The following NARF variants were observed in gnomAD, a reference collection of about 807,000 sequenced individuals.
The protein encoded by NARF is nuclear prelamin A recognition factor.
A neutral mutation model predicts 48.0 loss-of-function variants in NARF; 41 were observed. The observed-to-expected ratio is 0.85, with a 90% CI of 0.66 to 1.11. NARF has a LOEUF of 1.11. Ranked by LOEUF, NARF falls within the 50% of genes least tolerant of loss-of-function variation. NARF has a pLI of 0.00. For synonymous variants in NARF, 215 were observed against 225.5 expected (o/e 0.95, Z 0.42); for missense variants, 613 against 590.2 (o/e 1.04, Z -0.40).
chr17:82,475,042 A>G (rs2043803112), intron 5 of NARF, among the ~76,000 whole-genome samples: 1 of 152,130 alleles, frequency 6.6e-6, no homozygotes, highest in Non-Finnish European at 1.5e-5. Context: ...GTGTAAAGGG[A>G]TAATTTCCAC....
intron 2 of NARF, among the ~76,000 whole-genome samples, chr17:82,461,885 G>A (rs1804004680): frequency 6.6e-6 from 1 of 152,200 alleles, no homozygotes; most frequent in African/African-American, 2.4e-5. Flanking sequence ...GGACTGTGGG[G>A]CTTAGGGAGC....
chr17:82,469,154 C>G (rs1567933377), intron 4 of NARF, among the ~76,000 whole-genome samples: 1 of 152,198 alleles, frequency 6.6e-6, no homozygotes, highest in South Asian at 2.1e-4. Flanking sequence ...TGGGACCAAA[C>G]AGTGACCACC....
At chr17:82,459,222 G>C (rs750438073) in intron 1 of NARF, 92 of 1,017,766 alleles carry the variant, frequency 9.0e-5, no homozygotes, top group Non-Finnish European at 1.1e-4. Context: ...AGCCGGTGCA[G>C]GGGCGGAAGC....
chr17:82,482,462 A>G (rs2043993763), intron 7 of NARF: 1 of 73,460 alleles, frequency 1.4e-5, no homozygotes, highest in Non-Finnish European at 2.4e-5. Flanking sequence ...ATGTCCAGCC[A>G]TCTTTTTTCT....
At chr17:82,482,510 C>G (rs1357772306) in intron 7 of NARF, 1 of 135,208 alleles carries the variant, frequency 7.4e-6, no homozygotes, top group Non-Finnish European at 1.5e-5. Flanking sequence ...ATTTTCTTAC[C>G]TGTGTTTCCA....
In NARF at chr17:82,478,923, G is replaced by A. The variant is rs1408721749; in HGVS notation, c.639+5G>A. ...GATTATTTCGCCAGACAGCAGGTAAGCTGACCTCTCTGGAGGGCAGGAAGG... is the reference window on the plus strand; with the variant it reads ...GATTATTTCGCCAGACAGCAGGTAAACTGACCTCTCTGGAGGGCAGGAAGG... On this transcript the variant is annotated splice_donor_5th_base_variant and intron_variant, in intron 6 of 10. Transcript: ENST00000309794. The A allele has an allele frequency of 6.2e-7, 1 of 1,612,532 alleles. No homozygotes were observed.
rs1243470352 is a variant in NARF at position 82,470,564 on chromosome 17, G to T, written c.385+1668G>T. 3.3e-5 allele frequency among the ~76,000 whole-genome samples: 5 copies of T among 152,036 alleles called. 1 individual carries two copies. Among genetic ancestry groups the T allele is most frequent in the Admixed American group, 3.3e-4 (5 of 15,272 alleles). On this transcript the variant is annotated intron_variant, in intron 4 of 10. Transcript: ENST00000309794. ...GGCTGGGGTGCAGTGGCGCCATCTC[G>T]GCTCACTGCAAGCTCCACCTCCCGG...
chr17:82,488,025 GTCCAGTGC>G lies in NARF; in HGVS notation c.1240_1247del (p.Ser414ThrfsTer161). 1 of 1,614,230 alleles carries G rather than the reference GTCCAGTGC, an allele frequency of 6.2e-7. No homozygotes were observed. The highest frequency in any genetic ancestry group is 8.5e-7 in the Non-Finnish European group (1 of 1,180,048). ...CTGACATCCCTGTGCGGCGTCCGGAGTCCAGTGCACACGTGCAGGAGCTGTACCAGGAG... is the reference window on the plus strand; with the variant it reads ...CTGACATCCCTGTGCGGCGTCCGGAGACACGTGCAGGAGCTGTACCAGGAG... On this transcript the variant is annotated frameshift_variant, in exon 11 of 11. Transcript: ENST00000309794. LOFTEE classifies it low-confidence loss of function (END_TRUNC).
chr17:82,465,891 C>T (rs939868028), intron 3 of NARF, among the ~76,000 whole-genome samples: 10 of 152,320 alleles, frequency 6.6e-5, no homozygotes, highest in Non-Finnish European at 1.3e-4. Flanking sequence ...GATAGAGACA[C>T]ATGTCCTCTG....
Position 82,488,278 on chromosome 17 carries a change from TGGTTTCTCC to T in NARF, c.*123_*131del. 7.0e-7 allele frequency: 1 copy of T among 1,431,528 alleles called. No individual in the cohort carries two copies. Among genetic ancestry groups the T allele is most frequent in the Non-Finnish European group, 9.2e-7 (1 of 1,084,588 alleles). The allele number at this position is 1,431,528 out of a possible 1,614,324, so 88.7% of individuals were successfully genotyped here. A position where few individuals can be genotyped will look rare whatever the true frequency, so the allele number is the denominator to read the frequency against. The stretch of plus-strand genomic sequence containing the variant: ...AAGAAAACCGCTCAATGGATTACTT[TGGTTTCTCC>T]GAGTTCCCTGCTACCCCGTTTATTG... On this transcript the variant is annotated 3_prime_UTR_variant, in exon 11 of 11. Transcript: ENST00000309794.
rs555959562 is a variant in NARF at position 82,485,297 on chromosome 17, T to G, written c.972-200T>G. On this transcript the variant is annotated intron_variant, in intron 9 of 10. Transcript: ENST00000309794. ...TTTGCCGAGTGTGGTGGTGAGCGCC[T>G]ATAGTCCCAGCTACTCGGGAAGCTG... Among the ~76,000 whole-genome samples the G allele has an allele frequency of 9.1e-3, 1,380 of 152,024 alleles. 7 individuals carry two copies. The highest frequency in any genetic ancestry group is 0.011 in the Non-Finnish European group (749 of 67,988).
chr17:82,486,441 A>G (rs1356555016), intron 10 of NARF, among the ~76,000 whole-genome samples: 1 of 152,144 alleles, frequency 6.6e-6, no homozygotes, highest in Non-Finnish European at 1.5e-5. Context: ...GTGTGAAGCC[A>G]CAGGATGGGA....
rs2043394610 is a variant in NARF at position 82,460,002 on chromosome 17, A to G, written c.38A>G (p.Lys13Arg). 1 of 1,613,482 alleles carries G rather than the reference A, an allele frequency of 6.2e-7. No homozygotes were observed. ...CEHCTRKECS[K>R]KTKTDDQENV... Reference sequence around the variant, plus strand: ...CTTTGCTTTTTTAAGGAATGTAGTAAGAAAACAAAAACTGATGACCAAGAG... The same window carrying G: ...CTTTGCTTTTTTAAGGAATGTAGTAGGAAAACAAAAACTGATGACCAAGAG... Residue 13 changes from lysine to arginine, a missense_variant, in exon 2 of 11, where the codon AAG (lysine) becomes AGG (arginine). Lys to Arg is a conservative substitution (Grantham distance 26). Transcript: ENST00000309794.
chr17:82,472,565 G>A lies in NARF; in HGVS notation c.387G>A (p.Gly129=), dbSNP rs200726564. 1 of 1,611,488 alleles carries A rather than the reference G, an allele frequency of 6.2e-7. No homozygotes were observed. The highest frequency in any genetic ancestry group is 2.2e-5 in the East Asian group (1 of 44,626). The change falls in exon 5 of 11, where the codon GGG becomes GGA. Residue 129 remains glycine, a splice_region_variant and synonymous_variant. Transcript: ENST00000309794. ...TGAATATGCTCCTCTCTCCTGCAGG[G>A]GTGCACTATGTATTTGATACGACGA... The part of the protein sequence containing the change: ...RRLCGFLKSL[G]VHYVFDTTIA...
chr17:82,473,510 G>C (rs529597203), intron 5 of NARF, among the ~76,000 whole-genome samples: 1 of 151,868 alleles, frequency 6.6e-6, no homozygotes, highest in East Asian at 1.9e-4. Flanking sequence ...CACCACACCC[G>C]GCTAATTTCT....
chr17:82,475,285 CT>C (rs1234886196), intron 5 of NARF, among the ~76,000 whole-genome samples: 1 of 152,222 alleles, frequency 6.6e-6, no homozygotes, highest in Non-Finnish European at 1.5e-5. Context: ...GCCCATGCCC[CT>C]GGAGCAGTGG....
chr17:82,485,580 T>C lies in NARF; in HGVS notation c.1055T>C (p.Ile352Thr). ...RFAAAYGFRN[I>T]QNMILKLKKG... is the part of the protein sequence containing the mutation. ...GCTGCAGCCTATGGCTTTCGAAACA[T>C]CCAGAACATGATCCTGAAGCTTAAG... The change falls in exon 10 of 11, where the codon ATC (isoleucine) becomes ACC (threonine). Residue 352 changes from isoleucine (I) to threonine (T), a missense_variant. Transcript: ENST00000309794. 3 of 1,614,202 alleles carry C rather than the reference T, an allele frequency of 1.9e-6. No individual in the cohort carries two copies. Among genetic ancestry groups the C allele is most frequent in the Non-Finnish European group, 2.5e-6 (3 of 1,180,028 alleles).
At chr17:82,483,841 C>T (rs1860148340) in intron 8 of NARF, 62 bp downstream of exon 8, 1 of 1,500,544 alleles carries the variant, frequency 6.7e-7, no homozygotes, top group East Asian at 2.3e-5. Context: ...CCCTGCCAGC[C>T]ACCTGCCAGG....
Position 82,486,229 on chromosome 17 carries a change from G to C in NARF, c.1129+575G>C, listed in dbSNP as rs79465040. On this transcript the variant is annotated intron_variant, in intron 10 of 10. Coordinates refer to ENST00000309794, the MANE Select transcript of NARF (RefSeq NM_012336.4). ...GCCAGGACACGGTGGGGGTCTCCGG[G>C]AAGGACTTGCTGAGGGTGTGTCAGG... Among the ~76,000 whole-genome samples the C allele has an allele frequency of 1.5e-3, 232 of 152,290 alleles. 1 individual carries two copies. Among genetic ancestry groups the C allele is most frequent in the Non-Finnish European group, 2.7e-3 (185 of 68,022 alleles).
Sources: allele counts gnomAD v4.1 joint callset (sites outside exome capture counted in the v4.1 genomes callset), GRCh38; gene constraint gnomAD v4.1.1; transcripts MANE v1.5; gene names NCBI Gene and HGNC (gene_info 2026-07-23, HGNC 2026-07-21).